The following KIAA1217 variants were observed in gnomAD, a reference collection of about 807,000 sequenced individuals.
The protein encoded by KIAA1217 is sickle tail protein homolog.
In KIAA1217, 88 loss-of-function variants were observed where a neutral mutation model predicts 163.9. The observed-to-expected ratio is 0.54, with a 90% CI of 0.45 to 0.64. The LOEUF (loss-of-function observed/expected upper bound fraction) is 0.64, where lower values mean the gene tolerates loss of function less well. KIAA1217 is among the 30% of genes least tolerant of loss of function. KIAA1217 has a pLI of 0.00. For synonymous variants in KIAA1217, 903 were observed against 923.1 expected (o/e 0.98, Z 0.39); for missense variants, 2,372 against 2,475.0 (o/e 0.96, Z 0.88).
intron 2 of KIAA1217, among the ~76,000 whole-genome samples, chr10:24,361,599 C>T (rs970013594): frequency 3.3e-5 from 5 of 152,262 alleles, no homozygotes; most frequent in East Asian, 3.9e-4. Context: ...TTTGTTGGTT[C>T]CACTGTGTGT....
chr10:24,007,464 T>A (rs1371515343), intron 2 of KIAA1217: 1 of 152,238 alleles, frequency 6.6e-6, no homozygotes, highest in East Asian at 1.9e-4. Context: ...TCTATAAAAC[T>A]TGGCTTCTGT....
intron 1 of KIAA1217, among the ~76,000 whole-genome samples, chr10:23,811,003 T>A (rs1198195141): frequency 8.1e-6 from 1 of 123,648 alleles, no homozygotes; most frequent in Non-Finnish European, 1.6e-5. Context: ...TATATTATTA[T>A]ACTATATAGA....
intron 1 of KIAA1217, among the ~76,000 whole-genome samples, chr10:23,963,275 C>G (rs1822203789): frequency 1.3e-5 from 2 of 152,120 alleles, no homozygotes; most frequent in Admixed American, 1.3e-4. Context: ...TGTCCCCCAC[C>G]CCTTGAGAGG....
At chr10:24,240,851 T>C (rs2072988425) in intron 2 of KIAA1217, among the ~76,000 whole-genome samples, 1 of 151,426 alleles carries the variant, frequency 6.6e-6, no homozygotes, top group South Asian at 2.1e-4. Context: ...GTAAGGCTAG[T>C]AGTCTTTTTT....
chr10:23,962,866 T>C (rs950885533), intron 1 of KIAA1217, among the ~76,000 whole-genome samples: 1 of 152,218 alleles, frequency 6.6e-6, no homozygotes, highest in Non-Finnish European at 1.5e-5. Flanking sequence ...CTTTAACTAG[T>C]TCCCTGTAAT....
intron 2 of KIAA1217, among the ~76,000 whole-genome samples, chr10:24,359,339 C>T (rs10764470): frequency 0.38 from 57,617 of 151,576 alleles, 11,934 homozygotes; most frequent in Middle Eastern, 0.47. Flanking sequence ...GTGATCTGCC[C>T]GCCTCGGCCT....
At chr10:24,317,001 G>C (rs2043467287) in intron 2 of KIAA1217, among the ~76,000 whole-genome samples, 1 of 152,134 alleles carries the variant, frequency 6.6e-6, no homozygotes, top group South Asian at 2.1e-4. Flanking sequence ...TTTACGCTGA[G>C]TGTGTGGGGG....
intron 2 of KIAA1217, chr10:24,157,757 A>C (rs998178328): frequency 5.9e-6 from 2 of 337,936 alleles, no homozygotes; most frequent in Non-Finnish European, 1.1e-5. Context: ...TGATTATACC[A>C]AGTGTTGGTG....
intron 3 of KIAA1217, among the ~76,000 whole-genome samples, chr10:24,393,871 T>A (rs989498100): frequency 4.6e-5 from 7 of 152,196 alleles, no homozygotes; most frequent in Non-Finnish European, 1.0e-4. Context: ...CCCCACGTAC[T>A]TAATTGTGGC....
chr10:23,946,379 G>A (rs1048543975), intron 1 of KIAA1217, among the ~76,000 whole-genome samples: 1 of 151,474 alleles, frequency 6.6e-6, no homozygotes, highest in Non-Finnish European at 1.5e-5. Flanking sequence ...CAACCTGACT[G>A]AGTCTCATTA....
At chr10:24,514,841 A>T (rs910148966) in intron 10 of KIAA1217, among the ~76,000 whole-genome samples, 2 of 151,638 alleles carry the variant, frequency 1.3e-5, no homozygotes, top group Non-Finnish European at 2.9e-5. Flanking sequence ...AATACAAAAA[A>T]AATAGCTGGC....
intron 2 of KIAA1217, among the ~76,000 whole-genome samples, chr10:24,280,329 C>T (rs1233896929): frequency 5.3e-5 from 8 of 152,158 alleles, no homozygotes; most frequent in Non-Finnish European, 1.0e-4. Flanking sequence ...CTCTAACAAA[C>T]ATTTTTGCTT....
intron 2 of KIAA1217, among the ~76,000 whole-genome samples, chr10:24,180,585 T>C (rs2066130360): frequency 6.6e-6 from 1 of 152,282 alleles, no homozygotes; most frequent in East Asian, 1.9e-4. Context: ...TTTCCTCTTC[T>C]CCTTCCCAAC....
intron 2 of KIAA1217, among the ~76,000 whole-genome samples, chr10:24,025,165 G>A (rs1847888190): frequency 6.6e-6 from 1 of 151,696 alleles, no homozygotes; most frequent in Admixed American, 6.6e-5. Context: ...ATTTAGGTCT[G>A]TAATCAACTT....
intron 1 of KIAA1217, among the ~76,000 whole-genome samples, chr10:23,832,501 CCT>C (rs1838257172): frequency 6.6e-6 from 1 of 152,132 alleles, no homozygotes; most frequent in South Asian, 2.1e-4. Flanking sequence ...TCAATACTGT[CCT>C]CTCTCCTGAA....
intron 1 of KIAA1217, among the ~76,000 whole-genome samples, chr10:24,219,409 A>G (rs1025457141): frequency 2.0e-5 from 3 of 152,234 alleles, no homozygotes; most frequent in African/African-American, 2.4e-5. Context: ...GCCATGCCCA[A>G]TGAACATCTT....
intron 6 of KIAA1217, among the ~76,000 whole-genome samples, chr10:24,484,673 C>A (rs545553547): frequency 6.6e-6 from 1 of 152,120 alleles, no homozygotes; most frequent in Non-Finnish European, 1.5e-5. Flanking sequence ...AAGCCTCCCC[C>A]ACCTCAGCCT....
At chr10:24,397,837 C>A (rs7085664) in intron 3 of KIAA1217, among the ~76,000 whole-genome samples, 1 of 152,092 alleles carries the variant, frequency 6.6e-6, no homozygotes, top group African/African-American at 2.4e-5. Flanking sequence ...GTAGCTACAG[C>A]TGTTCCCACA....
chr10:24,521,907 G>A lies in KIAA1217; in HGVS notation c.2434G>A (p.Asp812Asn). The A allele has an allele frequency of 6.2e-7, 1 of 1,612,518 alleles. No individual in the cohort carries two copies. Residue 812 changes from aspartate to asparagine, a missense_variant, in exon 12 of 21, where the codon GAC becomes AAC. Around this residue, in one of 3 missense-constraint regions of KIAA1217, gnomAD observed 1,431 missense variants for 1,470.3 expected, o/e 0.97. Coordinates refer to ENST00000376454, the MANE Select transcript of KIAA1217 (RefSeq NM_019590.5). ...CCTGAAGCGTGTGCGCAGCATGACAGACGTCCTGACCATGCTGCGGAGGTG... is the reference window on the plus strand; with the variant it reads ...CCTGAAGCGTGTGCGCAGCATGACAAACGTCCTGACCATGCTGCGGAGGTG... Reference protein sequence around the residue: ...SLLKRVRSMTDVLTMLRRHVT... With the variant: ...SLLKRVRSMTNVLTMLRRHVT...
Sources: allele counts gnomAD v4.1 joint callset (sites outside exome capture counted in the v4.1 genomes callset), GRCh38; gene constraint gnomAD v4.1.1; regional missense constraint gnomAD v4.1.1; transcripts MANE v1.5; gene names NCBI Gene and HGNC (gene_info 2026-07-23, HGNC 2026-07-21).